Variants in ESR2 observed in about 807,000 individuals in gnomAD.
ESR2 encodes estrogen receptor 2, also known as estrogen receptor beta.
In ESR2, 36 loss-of-function variants were observed where a neutral mutation model predicts 49.6. That is an observed-to-expected ratio of 0.73 (90% CI 0.56 to 0.96). ESR2 has a LOEUF of 0.96. Among genes scored for constraint, ESR2 ranks in the 40% least tolerant of loss-of-function variants. ESR2 has a pLI of 0.00. For synonymous variants in ESR2, 320 were observed against 266.1 expected (o/e 1.20, Z -1.97); for missense variants, 714 against 693.0 (o/e 1.03, Z -0.34).
At chr14:64,263,376 G>A (rs1248329478) in intron 4 of ESR2, among the ~76,000 whole-genome samples, 2 of 152,152 alleles carry the variant, frequency 1.3e-5, no homozygotes, top group South Asian at 2.1e-4. Context: ...AACAACAAAG[G>A]CCAGGTGCGC....
At chr14:64,285,498 A>T (rs919020959) in intron 1 of ESR2, among the ~76,000 whole-genome samples, 28 of 152,102 alleles carry the variant, frequency 1.8e-4, no homozygotes, top group African/African-American at 6.8e-4. Context: ...AATCCTGCTT[A>T]TCAGAACTAC....
In ESR2 at chr14:64,251,661, C is replaced by T. The variant is rs573853680; in HGVS notation, c.1092-1982G>A. On this transcript the variant is annotated intron_variant, in intron 6 of 8. Transcript: ENST00000341099. ...TGTCCCTCACAGTAATCAGACCATA[C>T]ATAACTCATGGAGAAAGTTAATTTC... Among the ~76,000 whole-genome samples the T allele has an allele frequency of 1.5e-4, 23 of 152,270 alleles. 2 individuals are homozygous for T. In the South Asian group the frequency reaches 4.8e-3, roughly 32 times the overall value.
chr14:64,254,335 T>C (rs1209790150), intron 6 of ESR2, among the ~76,000 whole-genome samples: 1 of 152,168 alleles, frequency 6.6e-6, no homozygotes, highest in Non-Finnish European at 1.5e-5. Context: ...AATGAGCAAC[T>C]CCTCTACAAA....
chr14:64,318,717 C>T (rs2077289744), intron 1 of ESR2, among the ~76,000 whole-genome samples: 4 of 151,594 alleles, frequency 2.6e-5, no homozygotes, highest in Admixed American at 2.6e-4. Flanking sequence ...CAGGTCAACA[C>T]AGCAAGATTC....
chr14:64,239,022 C>A (rs2075666089), intron 7 of ESR2, among the ~76,000 whole-genome samples: 1 of 152,176 alleles, frequency 6.6e-6, no homozygotes, highest in Non-Finnish European at 1.5e-5. Context: ...TGAGAAAAAT[C>A]TAATGTGCTA....
At chr14:64,281,638 TCC>T (rs1335332172) in intron 2 of ESR2, among the ~76,000 whole-genome samples, 1 of 152,290 alleles carries the variant, frequency 6.6e-6, no homozygotes, top group East Asian at 1.9e-4. Context: ...GATTTTTATC[TCC>T]CCCTCTCCTT....
In ESR2 at chr14:64,241,278, A is replaced by G. The variant is rs944613431; in HGVS notation, c.1226-6128T>C. On this transcript the variant is annotated intron_variant, in intron 7 of 8. Transcript: ENST00000341099. The stretch of plus-strand genomic sequence containing the variant: ...GGGTTTTTTGGGAAATCACCCCATC[A>G]TAAATTGAGGAACATCTGTAGTTGT... 2.6e-5 allele frequency among the ~76,000 whole-genome samples: 4 copies of G among 152,180 alleles called. No individual in the cohort carries two copies. In the East Asian group the frequency reaches 5.8e-4, roughly 22 times the overall value.
intron 6 of ESR2, among the ~76,000 whole-genome samples, chr14:64,251,498 G>T (rs991821247): frequency 6.6e-6 from 1 of 151,954 alleles, no homozygotes; most frequent in Non-Finnish European, 1.5e-5. Context: ...TTTTCCAGAA[G>T]TACCTGTGCC....
rs2075936175 is a variant in ESR2 at position 64,249,281 on chromosome 14, A to C, written c.1225+265T>G. Among the ~76,000 whole-genome samples, 3 of 152,176 alleles carry C rather than the reference A, an allele frequency of 2.0e-5. 1 individual carries two copies. In the South Asian group the frequency reaches 6.2e-4, roughly 32 times the overall value. On this transcript the variant is annotated intron_variant, in intron 7 of 8. Coordinates refer to ENST00000341099, the MANE Select transcript of ESR2 (RefSeq NM_001437.3). ...AAAAGTTTAAAAGATAAACAATTTA[A>C]AGTTCCTTTTTTTTTCTTTTCCAGC...
At chr14:64,335,550 C>G (rs1330899067) in intron 1 of ESR2, among the ~76,000 whole-genome samples, 1 of 152,158 alleles carries the variant, frequency 6.6e-6, no homozygotes, top group Non-Finnish European at 1.5e-5. Flanking sequence ...TATAAGGACA[C>G]TACTCCCATC....
intron 1 of ESR2, among the ~76,000 whole-genome samples, chr14:64,289,285 G>T (rs924679471): frequency 6.6e-6 from 1 of 152,078 alleles, no homozygotes; most frequent in African/African-American, 2.4e-5. Flanking sequence ...GGCCAAGGTG[G>T]GCAGATCACC....
chr14:64,235,975 G>A (rs534803786), intron 7 of ESR2, among the ~76,000 whole-genome samples: 44 of 152,240 alleles, frequency 2.9e-4, no homozygotes, highest in African/African-American at 1.0e-3. Flanking sequence ...TTAATAATTA[G>A]CTTCTCTTCC....
At chr14:64,283,651 T>G (rs960342827) in intron 1 of ESR2, among the ~76,000 whole-genome samples, 9 of 145,624 alleles carry the variant, frequency 6.2e-5, no homozygotes, top group Non-Finnish European at 1.0e-4. Flanking sequence ...CTCAAGAGGC[T>G]GAGGTGTGAT....
chr14:64,268,884 G>A lies in ESR2; in HGVS notation c.563C>T (p.Thr188Ile), dbSNP rs2076384370. ...GTTTTTATCGATTGTACACTGATTT[G>A]TAGCTGGACAAATATAATCATTATG... ...QGHNDYICPA[T>I]NQCTIDKNRR... is the part of the protein sequence containing the mutation. Residue 188 changes from threonine (T) to isoleucine (I), a missense_variant, in exon 4 of 9, where the codon ACA (threonine) becomes ATA (isoleucine). Coordinates refer to ENST00000341099, the MANE Select transcript of ESR2 (RefSeq NM_001437.3). 1.2e-6 allele frequency: 2 copies of A among 1,611,622 alleles called. No individual in the cohort carries two copies. The highest frequency in any genetic ancestry group is 1.7e-5 in the Admixed American group (1 of 59,968).
intron 1 of ESR2, among the ~76,000 whole-genome samples, chr14:64,320,882 C>A (rs1024175702): frequency 6.6e-6 from 1 of 151,960 alleles, no homozygotes; most frequent in South Asian, 2.1e-4. Context: ...GTAACAAGAG[C>A]GAAACTCCGC....
At position 64,313,587 on chromosome 14, in the gene ESR2, GA is replaced by G. The variant is rs1489030886; in HGVS notation, c.-91+24310del. Among the ~76,000 whole-genome samples, 27 of 148,612 alleles carry G rather than the reference GA, an allele frequency of 1.8e-4. No homozygotes were observed. The Admixed American group carries it at 1.8e-3, about 10-fold the overall frequency. On this transcript the variant is annotated intron_variant, in intron 1 of 8. Transcript: ENST00000358599. ...AGAGAGAGAAAGAGAAAGAAAGAAAGAAAAGAAAAAAGAAAGAAGAGGCCAG... is the reference window on the plus strand; with the variant it reads ...AGAGAGAGAAAGAGAAAGAAAGAAAGAAAGAAAAAAGAAAGAAGAGGCCAG...
At chr14:64,248,133 G>A (rs2075905132) in intron 7 of ESR2, among the ~76,000 whole-genome samples, 1 of 152,046 alleles carries the variant, frequency 6.6e-6, no homozygotes, top group Admixed American at 6.6e-5. Flanking sequence ...GGTCGGAACT[G>A]CAGTAAACCA....
chr14:64,314,418 A>G (rs2077226386), intron 1 of ESR2, among the ~76,000 whole-genome samples: 1 of 151,700 alleles, frequency 6.6e-6, no homozygotes, highest in South Asian at 2.1e-4. Context: ...AAGATCTCAA[A>G]TTAATAATCT....
chr14:64,282,987 T>A lies in ESR2; in HGVS notation c.-2A>T, dbSNP rs764034141. 2.5e-6 allele frequency: 4 copies of A among 1,609,338 alleles called. No individual in the cohort carries two copies. The highest frequency in any genetic ancestry group is 3.4e-6 in the Non-Finnish European group (4 of 1,177,056). ...AGATGGTGAGTTTTTTATATCCATGTCTTGAGATAACAGCTGAGAAAACAC... is the reference window on the plus strand; with the variant it reads ...AGATGGTGAGTTTTTTATATCCATGACTTGAGATAACAGCTGAGAAAACAC... On this transcript the variant is annotated 5_prime_UTR_variant, in exon 2 of 9. Coordinates refer to ENST00000341099, the MANE Select transcript of ESR2 (RefSeq NM_001437.3).
Sources: allele counts gnomAD v4.1 joint callset (sites outside exome capture counted in the v4.1 genomes callset), GRCh38; gene constraint gnomAD v4.1.1; transcripts MANE v1.5; gene names NCBI Gene and HGNC (gene_info 2026-07-23, HGNC 2026-07-21).